ANKRD34B: variants seen among roughly 807,000 people sequenced by gnomAD.
The protein encoded by ANKRD34B is ankyrin repeat domain-containing protein 34B.
ANKRD34B carries 2 observed loss-of-function variants against 4.4 expected under a neutral mutation model. That is an observed-to-expected ratio of 0.46 (90% CI 0.19 to 1.44). ANKRD34B has a LOEUF of 1.44. ANKRD34B is among the 40% of genes most tolerant of loss of function. ANKRD34B has a pLI of 0.26. For synonymous variants in ANKRD34B, 226 were observed against 227.1 expected (o/e 0.99, Z 0.05); for missense variants, 558 against 604.7 (o/e 0.92, Z 0.81).
chr5:80,559,745 C>G lies in ANKRD34B; in HGVS notation c.275G>C (p.Cys92Ser). 1 of 1,614,214 alleles carries G rather than the reference C, an allele frequency of 6.2e-7. No homozygotes were observed. Among genetic ancestry groups the G allele is most frequent in the Non-Finnish European group, 8.5e-7 (1 of 1,180,042 alleles). The change falls in exon 5 of 5, where the codon TGC becomes TCC. Residue 92 changes from cysteine to serine, a missense_variant. Coordinates refer to ENST00000338682, the MANE Select transcript of ANKRD34B (RefSeq NM_001004441.3). ...KSGKTALMHACLEKAGPEVVS... is the reference protein window; with the variant it reads ...KSGKTALMHASLEKAGPEVVS... ...AACTTCAGGGCCAGCTTTTTCTAAG[C>G]AAGCATGCATCAGAGCCGTTTTCCC...
chr5:80,558,378 T>C lies in ANKRD34B; in HGVS notation c.*97A>G, dbSNP rs1229090455. On this transcript the variant is annotated 3_prime_UTR_variant, in exon 5 of 5. Coordinates refer to ENST00000338682, the MANE Select transcript of ANKRD34B (RefSeq NM_001004441.3). Reference sequence around the variant, plus strand: ...CATCTAGCCATTATGGACTAACCAATCACGAGATTTAAAAGAATGAACATT... The same window carrying C: ...CATCTAGCCATTATGGACTAACCAACCACGAGATTTAAAAGAATGAACATT... The C allele has an allele frequency of 2.3e-5, 23 of 998,278 alleles. No homozygotes were observed. The highest frequency in any genetic ancestry group is 2.6e-5 in the Non-Finnish European group (18 of 689,508). 61.8% of individuals were successfully genotyped at this position (998,278 alleles called of 1,614,324 possible). A position where few individuals can be genotyped will look rare whatever the true frequency, so the allele number is the denominator to read the frequency against.
chr5:80,559,818 T>C lies in ANKRD34B; in HGVS notation c.202A>G (p.Lys68Glu). ...HQSVSKAKMV[K>E]YLLENNADPN... ...TCGGCATTGTTCTCTAACAGGTATTTCACCATTTTGGCTTTACTGACACTC... is the reference window on the plus strand; with the variant it reads ...TCGGCATTGTTCTCTAACAGGTATTCCACCATTTTGGCTTTACTGACACTC... Residue 68 changes from lysine (K) to glutamate (E), a missense_variant, in exon 5 of 5, where the codon AAA (lysine) becomes GAA (glutamate). Transcript: ENST00000338682. 6.2e-7 allele frequency: 1 copy of C among 1,614,234 alleles called. No individual in the cohort carries two copies. The highest frequency in any genetic ancestry group is 8.5e-7 in the Non-Finnish European group (1 of 1,180,034).
intron 1 of ANKRD34B, 85 bp downstream of exon 1, chr5:80,570,069 G>C (rs947285187): frequency 6.6e-6 from 1 of 152,452 alleles, no homozygotes; most frequent in African/African-American, 2.4e-5. Context: ...TCCACGCTGC[G>C]CCCTCGATGT....
chr5:80,569,272 C>G (rs989822831), intron 1 of ANKRD34B, among the ~76,000 whole-genome samples, 165 bp from the exon 2 acceptor site: 1 of 152,164 alleles, frequency 6.6e-6, no homozygotes, highest in African/African-American at 2.4e-5. Context: ...CGCTGCGGAG[C>G]GGTCCCTGCG....
Position 80,558,621 on chromosome 5 carries a change from T to A in ANKRD34B, c.1399A>T (p.Asn467Tyr). The stretch of plus-strand genomic sequence containing the variant: ...CAAGAAAGAAGGCTGCAAATCTTGT[T>A]GTTGACATTGATATCTGAGATGGGA... ...HPPISDINVN[N>Y]KICSLLSCGQ... The change falls in exon 5 of 5, where the codon AAC becomes TAC. Residue 467 changes from asparagine to tyrosine, a missense_variant. Asn to Tyr is a moderately radical substitution (Grantham distance 143). Transcript: ENST00000338682. The A allele has an allele frequency of 6.2e-7, 1 of 1,614,190 alleles. No homozygotes were observed. Among genetic ancestry groups the A allele is most frequent in the Non-Finnish European group, 8.5e-7 (1 of 1,179,998 alleles).
chr5:80,566,381 G>A (rs7728534), intron 3 of ANKRD34B, among the ~76,000 whole-genome samples: 20,693 of 152,068 alleles, frequency 0.14, 2,302 homozygotes, highest in African/African-American at 0.31. Context: ...TCCCACCCCA[G>A]GAATCAGACA....
Position 80,568,946 on chromosome 5 carries a change from A to AGAGAGAGAGAGG in ANKRD34B, c.-191+13_-191+14insCCTCTCTCTCTC, listed in dbSNP as rs1746667657. ...CACACAGAGAGAGAGAGAGAGAGAG[A>AGAGAGAGAGAGG]GAGAGAGGCCAACCTAGTCCTCCAA... is the stretch of plus-strand genomic sequence containing the variant. On this transcript the variant is annotated intron_variant, in intron 2 of 4. Transcript: ENST00000338682. 6.6e-6 allele frequency: 1 copy of AGAGAGAGAGAGG among 151,086 alleles called. No individual in the cohort carries two copies. The highest frequency in any genetic ancestry group is 1.5e-5 in the Non-Finnish European group (1 of 68,050). The allele number at this position is 151,086 out of a possible 1,614,324, so 9.4% of individuals were successfully genotyped here.
Position 80,558,420 on chromosome 5 carries a change from G to C in ANKRD34B, c.*55C>G. ...ATGAACATTTAAGATTTCTTCTCTA[G>C]TTCTTTGTTTCTCTGATATAAACAT... On this transcript the variant is annotated 3_prime_UTR_variant, in exon 5 of 5. Coordinates refer to ENST00000338682, the MANE Select transcript of ANKRD34B (RefSeq NM_001004441.3). 1 of 1,337,046 alleles carries C rather than the reference G, an allele frequency of 7.5e-7. No individual in the cohort carries two copies. Among genetic ancestry groups the C allele is most frequent in the Non-Finnish European group, 1.0e-6 (1 of 969,406 alleles). The allele number at this position is 1,337,046 out of a possible 1,614,324, so 82.8% of individuals were successfully genotyped here. A position where few individuals can be genotyped will look rare whatever the true frequency, so the allele number is the denominator to read the frequency against.
chr5:80,570,077 T>A (rs1287970127), intron 1 of ANKRD34B, 77 bp downstream of exon 1: 1 of 152,424 alleles, frequency 6.6e-6, no homozygotes, highest in African/African-American at 2.4e-5. Context: ...GCGCCCTCGA[T>A]GTCCTCCTCC....
At position 80,559,905 on chromosome 5, in the gene ANKRD34B, T is replaced by G; in HGVS notation, c.115A>C (p.Ser39Arg). 1.9e-6 allele frequency: 3 copies of G among 1,614,204 alleles called. No individual in the cohort carries two copies. The highest frequency in any genetic ancestry group is 2.5e-6 in the Non-Finnish European group (3 of 1,180,032). Residue 39 changes from serine (S) to arginine (R), a missense_variant, in exon 5 of 5, where the codon AGC becomes CGC. Coordinates refer to ENST00000338682, the MANE Select transcript of ANKRD34B (RefSeq NM_001004441.3). ...AAAGGGGTTTCCCCACGGTCGTTGC[T>G]CTCATTAATGTAGGCACCGCCTTCT... Reference protein sequence around the residue: ...LLEGGAYINESNDRGETPLMI... With the variant: ...LLEGGAYINERNDRGETPLMI...
At chr5:80,567,093 C>G (rs932841449) in intron 2 of ANKRD34B, among the ~76,000 whole-genome samples, 2 of 152,178 alleles carry the variant, frequency 1.3e-5, no homozygotes, top group African/African-American at 4.8e-5. Flanking sequence ...AATCATCTTA[C>G]TCACCTGTTT....
rs578133810 is a variant in ANKRD34B at position 80,565,968 on chromosome 5, C to G, written c.-105+721G>C. Among the ~76,000 whole-genome samples the G allele has an allele frequency of 2.6e-5, 4 of 152,304 alleles. No homozygotes were observed. In the East Asian group the frequency reaches 7.7e-4, roughly 29 times the overall value. On this transcript the variant is annotated intron_variant, in intron 3 of 4. Transcript: ENST00000338682. ...GCTTTTCATTCAAAAATTGCAGTGT[C>G]TTTAATATCACTTGCACCTCATCAT... is the stretch of plus-strand genomic sequence containing the variant.
intron 3 of ANKRD34B, among the ~76,000 whole-genome samples, chr5:80,565,757 T>C (rs1375482711): frequency 6.6e-6 from 1 of 152,212 alleles, no homozygotes; most frequent in Non-Finnish European, 1.5e-5. Flanking sequence ...ATACTGGAAA[T>C]GTTGTTTTTT....
intron 4 of ANKRD34B, among the ~76,000 whole-genome samples, chr5:80,563,329 C>T (rs902119498): frequency 1.3e-5 from 2 of 152,144 alleles, no homozygotes; most frequent in African/African-American, 4.8e-5. Flanking sequence ...TTCTATTCTT[C>T]TTCTTTAAAC....
Position 80,559,716 on chromosome 5 carries a change from A to C in ANKRD34B, c.304T>G (p.Ser102Ala), listed in dbSNP as rs142636546. 2,354 of 1,614,226 alleles carry C rather than the reference A, an allele frequency of 1.5e-3. 3 individuals carry two copies. Among genetic ancestry groups the C allele is most frequent in the Middle Eastern group, 3.5e-3 (21 of 6,060 alleles). ...TCAGCCCCACTCTTGAGGAGCAAGG[A>C]AACAACTTCAGGGCCAGCTTTTTCT... Reference protein sequence around the residue: ...CLEKAGPEVVSLLLKSGADLS... With the variant: ...CLEKAGPEVVALLLKSGADLS... The change falls in exon 5 of 5, where the codon TCC (serine) becomes GCC (alanine). Residue 102 changes from serine to alanine, a missense_variant. By Grantham distance (99) the Ser-to-Ala change is moderately conservative. Coordinates refer to ENST00000338682, the MANE Select transcript of ANKRD34B (RefSeq NM_001004441.3).
At chr5:80,568,168 G>A (rs1202735590) in intron 2 of ANKRD34B, among the ~76,000 whole-genome samples, 1 of 152,202 alleles carries the variant, frequency 6.6e-6, no homozygotes, top group African/African-American at 2.4e-5. Context: ...AACACATGGA[G>A]TGCCTGTTAA....
intron 2 of ANKRD34B, among the ~76,000 whole-genome samples, chr5:80,568,152 A>G (rs890371887): frequency 6.6e-6 from 1 of 152,226 alleles, no homozygotes; most frequent in Non-Finnish European, 1.5e-5. Flanking sequence ...TTTTGTGGGC[A>G]TAAGAAACAC....
intron 3 of ANKRD34B, among the ~76,000 whole-genome samples, chr5:80,565,979 C>G (rs1169305119): frequency 2.0e-5 from 3 of 152,188 alleles, no homozygotes; most frequent in African/African-American, 7.2e-5. Context: ...TTTAATATCA[C>G]TTGCACCTCA....
chr5:80,559,816 T>A lies in ANKRD34B; in HGVS notation c.204A>T (p.Lys68Asn), dbSNP rs1239698884. The A allele has an allele frequency of 6.2e-7, 1 of 1,614,122 alleles. No individual in the cohort carries two copies. The highest frequency in any genetic ancestry group is 8.5e-7 in the Non-Finnish European group (1 of 1,180,050). ...HQSVSKAKMV[K>N]YLLENNADPN... The stretch of plus-strand genomic sequence containing the variant: ...GATCGGCATTGTTCTCTAACAGGTA[T>A]TTCACCATTTTGGCTTTACTGACAC... Residue 68 changes from lysine (K) to asparagine (N), a missense_variant, in exon 5 of 5, where the codon AAA (lysine) becomes AAT (asparagine). Physicochemically the swap from Lys to Asn is moderately conservative, Grantham distance 94. Coordinates refer to ENST00000338682, the MANE Select transcript of ANKRD34B (RefSeq NM_001004441.3).
Sources: allele counts gnomAD v4.1 joint callset (sites outside exome capture counted in the v4.1 genomes callset), GRCh38; gene constraint gnomAD v4.1.1; transcripts MANE v1.5; gene names NCBI Gene and HGNC (gene_info 2026-07-23, HGNC 2026-07-21).